The following PALS2 variants were observed in gnomAD, a reference collection of about 807,000 sequenced individuals.
PALS2 encodes protein associated with LIN7 2, MAGUK p55 family member.
In PALS2, 27 loss-of-function variants were observed where a neutral mutation model predicts 61.6. The ratio of observed to expected loss-of-function variants is 0.44; its 90% CI spans 0.32 to 0.60. The LOEUF (loss-of-function observed/expected upper bound fraction) is 0.60, where lower values mean the gene tolerates loss of function less well. Among genes scored for constraint, PALS2 ranks in the 20% least tolerant of loss-of-function variants. The pLI, the probability that PALS2 is intolerant of heterozygous loss-of-function variation, is 0.05. For missense variants in PALS2, 554 were observed against 639.4 expected, an observed-to-expected ratio of 0.87 and a Z score of 1.44; for synonymous variants, 236 against 218.6, an observed-to-expected ratio of 1.08 and a Z score of -0.70.
intron 1 of PALS2, among the ~76,000 whole-genome samples, chr7:24,576,869 C>T (rs1366773265): frequency 6.6e-6 from 1 of 152,190 alleles, no homozygotes; most frequent in Non-Finnish European, 1.5e-5. Context: ...AGGGGAAGTT[C>T]TTCCTTTATC....
In PALS2 at chr7:24,646,006, G is replaced by C. The variant is rs556034909; in HGVS notation, c.271-3606G>C. The stretch of plus-strand genomic sequence containing the variant: ...TTTGTATCATTCGGAAGGATACAAA[G>C]GACTTTGTATCCTTGGCTGAAGTTA... On this transcript the variant is annotated intron_variant, in intron 3 of 11. Transcript: ENST00000222644. Among the ~76,000 whole-genome samples the C allele has an allele frequency of 7.9e-5, 12 of 152,136 alleles. 2 individuals are homozygous for C. The South Asian group carries it at 2.5e-3, about 32-fold the overall frequency.
At chr7:24,590,523 T>G (rs1043494843) in intron 1 of PALS2, among the ~76,000 whole-genome samples, 2 of 152,082 alleles carry the variant, frequency 1.3e-5, no homozygotes, top group Non-Finnish European at 2.9e-5. Flanking sequence ...AGGCTGTGAT[T>G]ACTAATTCTC....
chr7:24,585,294 A>C (rs1783017871), intron 1 of PALS2, among the ~76,000 whole-genome samples: 1 of 151,704 alleles, frequency 6.6e-6, no homozygotes, highest in African/African-American at 2.4e-5. Flanking sequence ...CCTACCTATG[A>C]GCGTGGAATG....
At position 24,693,162 on chromosome 7, in the gene PALS2, T is replaced by A. The variant is rs1232181016; in HGVS notation, c.*5548T>A. ...CTATAGTTAAGGTAAATGCCACCAA[T>A]CAGAAGATTGAGTGATTTACTGCTT... On this transcript the variant is annotated 3_prime_UTR_variant, in exon 12 of 12. Coordinates refer to ENST00000222644, the MANE Select transcript of PALS2 (RefSeq NM_001303037.2). 2 of 152,132 alleles carry A rather than the reference T, an allele frequency of 1.3e-5. No homozygotes were observed. The highest frequency in any genetic ancestry group is 4.8e-5 in the African/African-American group (2 of 41,418). The allele number at this position is 152,132 out of a possible 1,614,324, so 9.4% of individuals were successfully genotyped here.
intron 2 of PALS2, among the ~76,000 whole-genome samples, chr7:24,628,538 A>G (rs1294869475): frequency 6.6e-6 from 1 of 152,190 alleles, no homozygotes; most frequent in African/African-American, 2.4e-5. Flanking sequence ...AGCGTATTCA[A>G]ATAGGAAGAG....
chr7:24,624,605 C>CTTCTTTTTTTTTTT (rs1554302487), intron 2 of PALS2, among the ~76,000 whole-genome samples: 1,222 of 86,324 alleles, frequency 0.014, 88 homozygotes, highest in East Asian at 0.039. Flanking sequence ...GCAGATTCTT[C>CTTCTTTTTTTTTTT]TTTTTTTTTT....
At chr7:24,619,537 G>A (rs771346080) in intron 1 of PALS2, among the ~76,000 whole-genome samples, 13 of 151,974 alleles carry the variant, frequency 8.6e-5, no homozygotes, top group Non-Finnish European at 1.9e-4. Context: ...CTAACACGGT[G>A]AAACCCCGTC....
chr7:24,677,318 CAG>C (rs1325155219), intron 9 of PALS2, among the ~76,000 whole-genome samples: 1 of 152,082 alleles, frequency 6.6e-6, no homozygotes, highest in African/African-American at 2.4e-5. Context: ...CATCTGCAAA[CAG>C]GGACAATTTG....
intron 2 of PALS2, among the ~76,000 whole-genome samples, chr7:24,626,108 T>C (rs1183664152): frequency 2.6e-5 from 4 of 152,072 alleles, no homozygotes; most frequent in Non-Finnish European, 5.9e-5. Context: ...TAATGTACTT[T>C]TAGTAGAAGA....
intron 1 of PALS2, among the ~76,000 whole-genome samples, chr7:24,587,221 A>G (rs1783101601): frequency 6.6e-6 from 1 of 152,102 alleles, no homozygotes; most frequent in Non-Finnish European, 1.5e-5. Context: ...AAACATTGGA[A>G]GGACGAAGGA....
chr7:24,651,154 G>A (rs1351281110), intron 5 of PALS2, among the ~76,000 whole-genome samples: 4 of 152,138 alleles, frequency 2.6e-5, no homozygotes, highest in African/African-American at 9.7e-5. Context: ...AGAAAATCTT[G>A]GACCCCTGGT....
chr7:24,602,258 C>G (rs1783746250), intron 1 of PALS2, among the ~76,000 whole-genome samples: 1 of 151,764 alleles, frequency 6.6e-6, no homozygotes, highest in African/African-American at 2.4e-5. Flanking sequence ...TCTTCTTTTT[C>G]TTTGATAATT....
chr7:24,596,035 A>T lies in PALS2; in HGVS notation c.-3+22442A>T, dbSNP rs1178442671. Reference sequence around the variant, plus strand: ...CGCAGAGAGGTACAGTGGGTGACAAATCATGAAGGCGCTAAGCGGCCATGG... The same window carrying T: ...CGCAGAGAGGTACAGTGGGTGACAATTCATGAAGGCGCTAAGCGGCCATGG... On this transcript the variant is annotated intron_variant, in intron 1 of 11. Transcript: ENST00000222644. The surrounding 1 kb of genome is among the most constrained non-coding windows in gnomAD (Gnocchi z 4.5). Among the ~76,000 whole-genome samples the T allele has an allele frequency of 6.6e-6, 1 of 152,022 alleles. No homozygotes were observed. The highest frequency in any genetic ancestry group is 2.4e-5 in the African/African-American group (1 of 41,420).
At position 24,665,796 on chromosome 7, in the gene PALS2, TC is replaced by T. The variant is rs1165863529; in HGVS notation, c.883+112del. On this transcript the variant is annotated intron_variant, in intron 7 of 11. Transcript: ENST00000222644. ...TTATTTAAAATATGTCTAGAATGAA[TC>T]CCTCCCTCTGCTTTCTCTCGCTCAT... 8.6e-6 allele frequency: 9 copies of T among 1,043,850 alleles called. No homozygotes were observed. The African/African-American group carries it at 1.5e-4, about 17-fold the overall frequency. The allele number at this position is 1,043,850 out of a possible 1,614,324, so 64.7% of individuals were successfully genotyped here.
At chr7:24,610,447 C>T (rs1027985637) in intron 1 of PALS2, among the ~76,000 whole-genome samples, 10 of 152,152 alleles carry the variant, frequency 6.6e-5, no homozygotes, top group South Asian at 4.1e-4. Context: ...CATCTAACCA[C>T]GTGCATAGCG....
intron 1 of PALS2, among the ~76,000 whole-genome samples, chr7:24,614,650 G>A (rs1361363876): frequency 1.3e-5 from 2 of 151,880 alleles, no homozygotes; most frequent in South Asian, 4.1e-4. Context: ...GGAAACTTCA[G>A]CATCCCATTC....
chr7:24,651,159 C>T (rs1786132218), intron 5 of PALS2, among the ~76,000 whole-genome samples: 2 of 152,084 alleles, frequency 1.3e-5, no homozygotes, highest in African/African-American at 4.8e-5. Context: ...ATCTTGGACC[C>T]CTGGTTTGCA....
chr7:24,584,564 C>T (rs1782983254), intron 1 of PALS2, among the ~76,000 whole-genome samples: 1 of 149,940 alleles, frequency 6.7e-6, no homozygotes, highest in South Asian at 2.1e-4. Flanking sequence ...GGATATTAGC[C>T]CTTTGTCAGA....
intron 2 of PALS2, among the ~76,000 whole-genome samples, chr7:24,625,382 G>T (rs1406314946): frequency 6.6e-6 from 1 of 152,102 alleles, no homozygotes; most frequent in Non-Finnish European, 1.5e-5. Flanking sequence ...GTTTGCAAAG[G>T]TCTTTAAAAT....
Sources: allele counts gnomAD v4.1 joint callset (sites outside exome capture counted in the v4.1 genomes callset), GRCh38; gene constraint gnomAD v4.1.1; non-coding constraint Gnocchi (gnomAD v3.1); transcripts MANE v1.5; gene names NCBI Gene and HGNC (gene_info 2026-07-23, HGNC 2026-07-21).